CCSER1: variants seen among roughly 807,000 people sequenced by gnomAD.
CCSER1 encodes serine-rich coiled-coil domain-containing protein 1.
In CCSER1, 41 loss-of-function variants were observed where a neutral mutation model predicts 82.0. That is an observed-to-expected ratio of 0.50 (90% CI 0.39 to 0.65). The LOEUF (loss-of-function observed/expected upper bound fraction) is 0.65, where lower values mean the gene tolerates loss of function less well. CCSER1 is among the 30% of genes least tolerant of loss of function. CCSER1 has a pLI of 0.00. For synonymous variants in CCSER1, 414 were observed against 383.9 expected, an observed-to-expected ratio of 1.08 and a Z score of -0.92; for missense variants, 1,119 against 1,064.2, an observed-to-expected ratio of 1.05 and a Z score of -0.72.
intron 1 of CCSER1, among the ~76,000 whole-genome samples, chr4:90,138,591 A>C (rs1724143624): frequency 6.6e-6 from 1 of 152,230 alleles, no homozygotes; most frequent in Non-Finnish European, 1.5e-5. Context: ...AGTGAGGTCT[A>C]GGGAAGCAAG....
intron 10 of CCSER1, among the ~76,000 whole-genome samples, chr4:91,133,726 A>C (rs538515888): frequency 5.6e-4 from 85 of 152,338 alleles, no homozygotes; most frequent in African/African-American, 2.0e-3. Context: ...TTACTAAAAA[A>C]CAACAGGGCT....
chr4:90,551,575 C>A (rs925559515), intron 5 of CCSER1, among the ~76,000 whole-genome samples: 2 of 151,574 alleles, frequency 1.3e-5, no homozygotes, highest in Non-Finnish European at 2.9e-5. Flanking sequence ...TATGAATAGC[C>A]CCCAAATACA....
At chr4:90,698,474 A>T (rs1189768100) in intron 6 of CCSER1, among the ~76,000 whole-genome samples, 1 of 152,206 alleles carries the variant, frequency 6.6e-6, no homozygotes, top group Non-Finnish European at 1.5e-5. Context: ...AGAGATGGGA[A>T]CCTGGGAATG....
chr4:91,591,054 GGCAATGTATGGA>G (rs1764241590), intron 10 of CCSER1, among the ~76,000 whole-genome samples: 1 of 152,082 alleles, frequency 6.6e-6, no homozygotes, highest in Non-Finnish European at 1.5e-5. Flanking sequence ...GGGGACATTT[GGCAATGTATGGA>G]GACATTTTTA....
chr4:90,740,424 ATAAAT>A (rs1277303180), intron 7 of CCSER1, among the ~76,000 whole-genome samples: 2 of 152,234 alleles, frequency 1.3e-5, no homozygotes, highest in African/African-American at 2.4e-5. Flanking sequence ...TTATTTTTAC[ATAAAT>A]TAAAGTCAAA....
intron 10 of CCSER1, among the ~76,000 whole-genome samples, chr4:91,179,777 T>A (rs1733814384): frequency 6.6e-6 from 1 of 152,176 alleles, no homozygotes; most frequent in South Asian, 2.1e-4. Context: ...AAGTTTGTTA[T>A]TACAGATTGT....
At chr4:90,226,579 A>G (rs1743199877) in intron 1 of CCSER1, among the ~76,000 whole-genome samples, 1 of 152,250 alleles carries the variant, frequency 6.6e-6, no homozygotes, top group Non-Finnish European at 1.5e-5. Context: ...TTGAGAATTC[A>G]AGGAATGGGA....
At chr4:90,800,353 T>C (rs1463742130) in intron 7 of CCSER1, among the ~76,000 whole-genome samples, 1 of 152,206 alleles carries the variant, frequency 6.6e-6, no homozygotes, top group Non-Finnish European at 1.5e-5. Context: ...TCTTCCGCCT[T>C]GTCTTCCCAA....
intron 8 of CCSER1, among the ~76,000 whole-genome samples, chr4:90,841,608 GA>G (rs1762585405): frequency 6.8e-6 from 1 of 147,654 alleles, no homozygotes; most frequent in South Asian, 2.2e-4. Context: ...AGAAGAAGAA[GA>G]AAATATTTTG....
chr4:90,991,000 T>G (rs1736982995), intron 9 of CCSER1, among the ~76,000 whole-genome samples: 1 of 151,928 alleles, frequency 6.6e-6, no homozygotes, highest in Non-Finnish European at 1.5e-5. Context: ...GAATCCAAGC[T>G]TACCCTTTCA....
chr4:90,992,663 A>G (rs1164956091), intron 9 of CCSER1, among the ~76,000 whole-genome samples: 1 of 151,958 alleles, frequency 6.6e-6, no homozygotes, highest in Non-Finnish European at 1.5e-5. Context: ...GCAGAATTCA[A>G]TTCTTTGTGG....
chr4:91,451,473 C>T (rs574252169), intron 10 of CCSER1, among the ~76,000 whole-genome samples: 2 of 152,016 alleles, frequency 1.3e-5, no homozygotes, highest in South Asian at 2.1e-4. Context: ...AGCACCCAGA[C>T]ACACTTCAAT....
At chr4:90,730,390 TG>T (rs1333435047) in intron 7 of CCSER1, among the ~76,000 whole-genome samples, 1 of 152,226 alleles carries the variant, frequency 6.6e-6, no homozygotes, top group African/African-American at 2.4e-5. Context: ...TCTGCATTTC[TG>T]GTCATTTTTT....
chr4:91,394,588 T>C (rs1751852279), intron 10 of CCSER1, among the ~76,000 whole-genome samples: 1 of 152,084 alleles, frequency 6.6e-6, no homozygotes, highest in African/African-American at 2.4e-5. Flanking sequence ...ATTAGAATCT[T>C]CAACTAGATC....
intron 7 of CCSER1, chr4:90,781,970 A>G (rs1335822780): frequency 1.1e-6 from 1 of 887,616 alleles, no homozygotes; most frequent in East Asian, 1.2e-4. Context: ...CCGATATAGG[A>G]ACAAAAATAA....
chr4:90,223,847 A>G (rs1279655121), intron 1 of CCSER1, among the ~76,000 whole-genome samples: 1 of 152,194 alleles, frequency 6.6e-6, no homozygotes, highest in African/African-American at 2.4e-5. Context: ...TTCTCAGTTT[A>G]TTTGTCCTAT....
At chr4:91,336,950 T>A (rs999542707) in intron 10 of CCSER1, among the ~76,000 whole-genome samples, 4 of 152,112 alleles carry the variant, frequency 2.6e-5, no homozygotes, top group Admixed American at 6.6e-5. Flanking sequence ...TGTGAATGCA[T>A]CTTTTTGTTA....
At chr4:90,399,335 T>C (rs1182732229) in intron 3 of CCSER1, among the ~76,000 whole-genome samples, 1 of 152,104 alleles carries the variant, frequency 6.6e-6, no homozygotes, top group Non-Finnish European at 1.5e-5. Flanking sequence ...CTCTGATATA[T>C]TATGGTATAA....
intron 10 of CCSER1, among the ~76,000 whole-genome samples, chr4:91,102,563 A>G (rs181897175): frequency 1.3e-5 from 2 of 152,214 alleles, no homozygotes; most frequent in Non-Finnish European, 2.9e-5. Context: ...ATGCATTTAG[A>G]TGTCGTTTTT....
Sources: gnomAD v4.1 joint callset for allele counts (sites outside exome capture counted in the v4.1 genomes callset) on GRCh38, gnomAD v4.1.1 for gene constraint, MANE v1.5 for transcripts, NCBI Gene and HGNC (gene_info 2026-07-23, HGNC 2026-07-21) for gene names.